Variants in SPAG16 observed in about 807,000 individuals in gnomAD.
The protein encoded by SPAG16 is sperm associated antigen 16.
A neutral mutation model predicts 80.4 loss-of-function variants in SPAG16; 86 were observed. The ratio of observed to expected loss-of-function variants is 1.07; its 90% CI spans 0.90 to 1.28. SPAG16 has a LOEUF of 1.28. Ranked by LOEUF, SPAG16 falls within the 50% of genes most tolerant of loss-of-function variation. The probability of loss-of-function intolerance (pLI) is 0.00; values close to 1 mark genes in which losing one functional copy is unlikely to be tolerated. For synonymous variants in SPAG16, 294 were observed against 265.9 expected (o/e 1.11, Z -1.03); for missense variants, 870 against 765.3 (o/e 1.14, Z -1.61).
chr2:214,159,853 A>C (rs529498652), intron 15 of SPAG16, among the ~76,000 whole-genome samples: 1 of 152,146 alleles, frequency 6.6e-6, no homozygotes, highest in South Asian at 2.1e-4. Context: ...TTTGAATAAT[A>C]GACATACATT....
intron 10 of SPAG16, among the ~76,000 whole-genome samples, chr2:213,768,512 T>A (rs1348169521): frequency 1.3e-5 from 2 of 152,180 alleles, no homozygotes; most frequent in Non-Finnish European, 2.9e-5. Context: ...CTTTAGAATT[T>A]AATATTTACG....
chr2:213,964,391 T>C (rs2044603317), intron 12 of SPAG16, among the ~76,000 whole-genome samples: 1 of 152,192 alleles, frequency 6.6e-6, no homozygotes, highest in Non-Finnish European at 1.5e-5. Flanking sequence ...ACACCTTTAG[T>C]ATTCCTTGAA....
rs765775600 is a variant in SPAG16, at chr2:213,340,171, G to A, written c.545G>A (p.Arg182Lys). 1.9e-6 allele frequency: 3 copies of A among 1,606,078 alleles called. No individual in the cohort carries two copies. Among genetic ancestry groups the A allele is most frequent in the Non-Finnish European group, 2.6e-6 (3 of 1,175,266 alleles). ...KHYKQAADKAREDLLKIQKER... is the reference protein window; with the variant it reads ...KHYKQAADKAKEDLLKIQKER... ...TACTATTTTTTTTTCAGCAAAGCTA[G>A]AGAAGATTTGCTGAAAATTCAGAAA... Residue 182 changes from arginine (R) to lysine (K), a missense_variant, in exon 6 of 16, where the codon AGA (arginine) becomes AAA (lysine). Coordinates refer to ENST00000331683, the MANE Select transcript of SPAG16 (RefSeq NM_024532.5).
intron 15 of SPAG16, among the ~76,000 whole-genome samples, chr2:214,296,874 GTCTC>G (rs1425910754): frequency 2.6e-5 from 4 of 152,116 alleles, no homozygotes; most frequent in African/African-American, 9.7e-5. Flanking sequence ...AGTGAGTTCT[GTCTC>G]TCTCTGAGTT....
intron 15 of SPAG16, among the ~76,000 whole-genome samples, chr2:214,390,332 T>TTTTG (rs1700998338): frequency 5.0e-5 from 1 of 19,916 alleles, no homozygotes; most frequent in East Asian, 1.6e-3. Flanking sequence ...ATGGGTATGC[T>TTTTG]TTTTTTTTTA....
chr2:213,367,371 T>C (rs1347488836), intron 8 of SPAG16, among the ~76,000 whole-genome samples: 1 of 152,228 alleles, frequency 6.6e-6, no homozygotes, highest in African/African-American at 2.4e-5. Context: ...CACACTGTCT[T>C]TCATAATGGC....
intron 13 of SPAG16, among the ~76,000 whole-genome samples, chr2:214,079,384 A>G (rs1343734485): frequency 1.3e-5 from 2 of 152,224 alleles, no homozygotes; most frequent in African/African-American, 2.4e-5. Context: ...CTGGTAAAGA[A>G]AAGAAATCTC....
intron 4 of SPAG16, among the ~76,000 whole-genome samples, chr2:213,316,025 A>G (rs1312435693): frequency 6.6e-6 from 1 of 151,978 alleles, no homozygotes; most frequent in Admixed American, 6.6e-5. Flanking sequence ...GACTTTAAAT[A>G]GTATCTATAA....
At chr2:214,111,923 T>C (rs1016638861) in intron 14 of SPAG16, among the ~76,000 whole-genome samples, 6 of 152,156 alleles carry the variant, frequency 3.9e-5, no homozygotes, top group African/African-American at 1.4e-4. Context: ...TGGTTTCCTG[T>C]TTGTCTGTTA....
chr2:213,401,057 T>A (rs2068283976), intron 9 of SPAG16, among the ~76,000 whole-genome samples: 1 of 152,178 alleles, frequency 6.6e-6, no homozygotes, highest in South Asian at 2.1e-4. Flanking sequence ...GATCTGTCTG[T>A]CTTGGCCTCC....
At chr2:213,671,061 A>T (rs1254612928) in intron 10 of SPAG16, among the ~76,000 whole-genome samples, 1 of 152,232 alleles carries the variant, frequency 6.6e-6, no homozygotes, top group Non-Finnish European at 1.5e-5. Flanking sequence ...ATCAATTCCC[A>T]GATTATTTTC....
At chr2:214,137,245 T>C (rs917331385) in intron 14 of SPAG16, among the ~76,000 whole-genome samples, 1 of 151,898 alleles carries the variant, frequency 6.6e-6, no homozygotes, top group Non-Finnish European at 1.5e-5. Context: ...ACATACAACA[T>C]AGACAATTTT....
intron 5 of SPAG16, among the ~76,000 whole-genome samples, chr2:213,332,660 A>G (rs2064159105): frequency 6.6e-6 from 1 of 152,202 alleles, no homozygotes; most frequent in African/African-American, 2.4e-5. Flanking sequence ...ACAATATATT[A>G]AAAAGATAAT....
At chr2:213,592,006 C>T (rs938300634) in intron 10 of SPAG16, among the ~76,000 whole-genome samples, 2 of 152,184 alleles carry the variant, frequency 1.3e-5, no homozygotes, top group African/African-American at 4.8e-5. Context: ...TGAGTAGGTT[C>T]AGTCGGGAGA....
chr2:213,594,227 C>A (rs2060809742), intron 10 of SPAG16, among the ~76,000 whole-genome samples: 1 of 152,186 alleles, frequency 6.6e-6, no homozygotes, highest in African/African-American at 2.4e-5. Context: ...ATCTCCTTGT[C>A]TTCAACTCTT....
At chr2:214,129,162 G>A (rs1048161143) in intron 14 of SPAG16, among the ~76,000 whole-genome samples, 21 of 152,070 alleles carry the variant, frequency 1.4e-4, no homozygotes, top group Non-Finnish European at 3.1e-4. Flanking sequence ...GGTTTTCTCT[G>A]TGCAACTCTC....
chr2:213,376,384 A>C (rs1232965019), intron 9 of SPAG16, among the ~76,000 whole-genome samples: 1 of 152,106 alleles, frequency 6.6e-6, no homozygotes, highest in Non-Finnish European at 1.5e-5. Context: ...TAGGAAAAGT[A>C]CATTGCATAT....
At chr2:213,865,936 C>CTA (rs3046040) in intron 11 of SPAG16, among the ~76,000 whole-genome samples, 8,777 of 147,260 alleles carry the variant, frequency 0.06, 842 homozygotes, top group African/African-American at 0.2. Flanking sequence ...TATATATATA[C>CTA]TATATATATA....
chr2:214,053,564 A>G (rs551168320), intron 13 of SPAG16, among the ~76,000 whole-genome samples: 1 of 152,324 alleles, frequency 6.6e-6, no homozygotes, highest in South Asian at 2.1e-4. Context: ...CCCCTGGAAT[A>G]CAACCAATTC....
Sources: gnomAD v4.1 joint callset for allele counts (sites outside exome capture counted in the v4.1 genomes callset) on GRCh38, gnomAD v4.1.1 for gene constraint, MANE v1.5 for transcripts, NCBI Gene and HGNC (gene_info 2026-07-23, HGNC 2026-07-21) for gene names.